The following HMGCLL1 variants were observed in gnomAD, a reference collection of about 807,000 sequenced individuals.
HMGCLL1 encodes 3-hydroxy-3-methylglutaryl-CoA lyase like 1, also known as 3-hydroxymethyl-3-methylglutaryl-CoA lyase, cytoplasmic.
HMGCLL1 carries 36 observed loss-of-function variants against 39.1 expected under a neutral mutation model. The observed-to-expected ratio is 0.92, with a 90% confidence interval of 0.71 to 1.22. HMGCLL1 has a LOEUF of 1.22. Among genes scored for constraint, HMGCLL1 ranks in the 50% most tolerant of loss-of-function variants. The pLI, the probability that HMGCLL1 is intolerant of heterozygous loss-of-function variation, is 0.00. For synonymous variants in HMGCLL1, 149 were observed against 144.0 expected (o/e 1.03, Z -0.25); for missense variants, 451 against 416.5 (o/e 1.08, Z -0.72).
intron 7 of HMGCLL1, among the ~76,000 whole-genome samples, chr6:55,478,140 A>T (rs1396270744): frequency 6.7e-6 from 1 of 149,626 alleles, no homozygotes; most frequent in Non-Finnish European, 1.5e-5. Flanking sequence ...TTTATTTTAC[A>T]CCTAAGTTTC....
chr6:55,617,141 C>T, the HMGCLL1 span, among the ~76,000 whole-genome samples: 1 of 151,676 alleles, frequency 6.6e-6, no homozygotes, highest in Non-Finnish European at 1.5e-5. Flanking sequence ...CATCCTGTCA[C>T]AAAAAAAACC....
chr6:55,482,834 T>TC (rs1034620912), intron 7 of HMGCLL1, among the ~76,000 whole-genome samples: 7 of 151,608 alleles, frequency 4.6e-5, no homozygotes, highest in Non-Finnish European at 5.9e-5. Context: ...AAGAAAAGGT[T>TC]CCCCCCCAAG....
the HMGCLL1 span, among the ~76,000 whole-genome samples, chr6:55,604,386 T>C: frequency 6.6e-6 from 1 of 152,158 alleles, no homozygotes; most frequent in South Asian, 2.1e-4. Context: ...AATTAGTACA[T>C]TTTAGGTCTT....
At chr6:55,534,824 C>A (rs571826662) in intron 3 of HMGCLL1, among the ~76,000 whole-genome samples, 1 of 152,314 alleles carries the variant, frequency 6.6e-6, no homozygotes, top group Admixed American at 6.5e-5. Context: ...AATCGAAGAA[C>A]CAACACAAAT....
the HMGCLL1 span, among the ~76,000 whole-genome samples, chr6:55,589,145 A>T: frequency 6.6e-6 from 1 of 152,208 alleles, no homozygotes; most frequent in African/African-American, 2.4e-5. Context: ...ACATCAATGC[A>T]AAAATCCTCA....
chr6:55,446,152 G>A (rs1763821234), intron 7 of HMGCLL1, among the ~76,000 whole-genome samples: 1 of 151,508 alleles, frequency 6.6e-6, no homozygotes, highest in South Asian at 2.1e-4. Context: ...GGCTGTTATT[G>A]AGAAGTAGCT....
chr6:55,584,044 A>C (rs533101590), upstream of HMGCLL1, among the ~76,000 whole-genome samples: 1 of 152,146 alleles, frequency 6.6e-6, no homozygotes, highest in East Asian at 1.9e-4. Context: ...CCATTTGCTT[A>C]AATGTACTCT....
chr6:55,677,658 G>A, the HMGCLL1 span, among the ~76,000 whole-genome samples: 1 of 152,124 alleles, frequency 6.6e-6, no homozygotes, highest in Non-Finnish European at 1.5e-5. Context: ...ACATTAGGGT[G>A]ATACCTGTTA....
At position 55,495,430 on chromosome 6, in the gene HMGCLL1, T is replaced by A. The variant is rs760917667; in HGVS notation, c.784A>T (p.Thr262Ser). ...AGAGTACAAAATACCTGAAGGGCCG[T>A]AAGGATATTTGCTAAGGCTTGTCCG... ...TYGQALANIL[T>S]ALQMGINVVD... The change falls in exon 7 of 9, where the codon ACG becomes TCG. Residue 262 changes from threonine (T) to serine (S), a missense_variant. Thr to Ser is a moderately conservative substitution (Grantham distance 58). Transcript: ENST00000274901. 44 of 1,613,408 alleles carry A rather than the reference T, an allele frequency of 2.7e-5. No individual in the cohort carries two copies. The highest frequency in any genetic ancestry group is 1.3e-4 in the East Asian group (6 of 44,860).
At chr6:55,637,111 A>G in the HMGCLL1 span, among the ~76,000 whole-genome samples, 3 of 152,190 alleles carry the variant, frequency 2.0e-5, no homozygotes, top group Non-Finnish European at 4.4e-5. Context: ...ATACCTTATT[A>G]CCATTTAAGA....
At chr6:55,643,738 C>G in the HMGCLL1 span, among the ~76,000 whole-genome samples, 1 of 151,960 alleles carries the variant, frequency 6.6e-6, no homozygotes, top group African/African-American at 2.4e-5. Flanking sequence ...GCTTATTTCA[C>G]TTAAAATAAT....
intron 7 of HMGCLL1, among the ~76,000 whole-genome samples, chr6:55,485,810 A>G (rs1211142945): frequency 6.6e-6 from 1 of 151,894 alleles, no homozygotes; most frequent in African/African-American, 2.4e-5. Context: ...GGTTTGCTGA[A>G]TTTAGCAATA....
intron 3 of HMGCLL1, among the ~76,000 whole-genome samples, chr6:55,518,920 T>C (rs1233240437): frequency 6.6e-6 from 1 of 152,114 alleles, no homozygotes; most frequent in African/African-American, 2.4e-5. Context: ...TGCCACTAAG[T>C]TCTCAGGTAA....
intron 1 of HMGCLL1, 95 bp from the exon 2 acceptor site, chr6:55,542,235 T>C: frequency 1.5e-6 from 1 of 667,942 alleles, no homozygotes. Context: ...GTTATACTCT[T>C]ACCCCAGAGA....
chr6:55,622,120 A>G, the HMGCLL1 span, among the ~76,000 whole-genome samples: 1 of 151,938 alleles, frequency 6.6e-6, no homozygotes, highest in African/African-American at 2.4e-5. Context: ...TTGTATATTG[A>G]CTTTGTATCT....
chr6:55,629,672 C>T, the HMGCLL1 span, among the ~76,000 whole-genome samples: 1 of 152,132 alleles, frequency 6.6e-6, no homozygotes, highest in Non-Finnish European at 1.5e-5. Flanking sequence ...GGGCCAGGCC[C>T]AGGGTTCCTG....
chr6:55,602,061 C>G, the HMGCLL1 span, among the ~76,000 whole-genome samples: 1 of 151,950 alleles, frequency 6.6e-6, no homozygotes, highest in African/African-American at 2.4e-5. Context: ...GCCCCGTTAT[C>G]TCTCAGATTT....
the HMGCLL1 span, among the ~76,000 whole-genome samples, chr6:55,588,453 G>A: frequency 1.3e-5 from 2 of 151,798 alleles, no homozygotes; most frequent in African/African-American, 2.4e-5. Flanking sequence ...GAGAAAGCAG[G>A]AAAGATCTAA....
At chr6:55,644,532 T>G in the HMGCLL1 span, among the ~76,000 whole-genome samples, 1 of 152,078 alleles carries the variant, frequency 6.6e-6, no homozygotes, top group African/African-American at 2.4e-5. Flanking sequence ...TAGTTTGAGG[T>G]TTCAGATTTA....
Sources: gnomAD v4.1 joint callset for allele counts (sites outside exome capture counted in the v4.1 genomes callset) on GRCh38, gnomAD v4.1.1 for gene constraint, MANE v1.5 for transcripts, NCBI Gene and HGNC (gene_info 2026-07-23, HGNC 2026-07-21) for gene names.